PCYOX1: variants seen among roughly 807,000 people sequenced by gnomAD.
The protein encoded by PCYOX1 is prenylcysteine oxidase 1, also known as prenylcysteine lyase.
PCYOX1 carries 46 observed loss-of-function variants against 46.4 expected under a neutral mutation model. The ratio of observed to expected loss-of-function variants is 0.99; its 90% CI spans 0.78 to 1.27. PCYOX1 has a LOEUF of 1.27. Ranked by LOEUF, PCYOX1 falls within the 50% of genes most tolerant of loss-of-function variation. PCYOX1 has a pLI of 0.00. For synonymous variants in PCYOX1, 220 were observed against 231.8 expected, an observed-to-expected ratio of 0.95 and a Z score of 0.46; for missense variants, 658 against 628.3, an observed-to-expected ratio of 1.05 and a Z score of -0.51.
In PCYOX1 at chr2:70,277,728, C is replaced by T. The variant is rs1696707396; in HGVS notation, c.*336C>T. On this transcript the variant is annotated 3_prime_UTR_variant, in exon 6 of 6. Coordinates refer to ENST00000433351, the MANE Select transcript of PCYOX1 (RefSeq NM_016297.4). ...TGCACTTCAGCCTGAGCAACACGAG[C>T]AAAACTCCGTCTCAAAAGTAAATAA... The T allele has an allele frequency of 5.2e-6, 1 of 190,606 alleles. No homozygotes were observed. Among genetic ancestry groups the T allele is most frequent in the Non-Finnish European group, 1.1e-5 (1 of 93,528 alleles). The allele number at this position is 190,606 out of a possible 1,614,324, so 11.8% of individuals were successfully genotyped here.
chr2:70,264,267 GTT>G (rs199985130), intron 3 of PCYOX1, among the ~76,000 whole-genome samples: 1 of 144,566 alleles, frequency 6.9e-6, no homozygotes. Context: ...TCCCAGCCTT[GTT>G]TTTTTTTTTA....
At chr2:70,260,868 C>T (rs746884181) in intron 2 of PCYOX1, among the ~76,000 whole-genome samples, 3 of 152,172 alleles carry the variant, frequency 2.0e-5, no homozygotes, top group East Asian at 3.8e-4. Context: ...AATTATGCCA[C>T]GAAGATGCAT....
intron 3 of PCYOX1, among the ~76,000 whole-genome samples, chr2:70,268,120 T>G (rs1355867318): frequency 6.6e-6 from 1 of 152,122 alleles, no homozygotes; most frequent in African/African-American, 2.4e-5. Context: ...TAAATTTGTG[T>G]TGTTTTAAGC....
At chr2:70,259,286 G>T in intron 1 of PCYOX1, 74 bp from the exon 2 acceptor site, 2 of 1,343,624 alleles carry the variant, frequency 1.5e-6, no homozygotes, top group South Asian at 2.4e-5. Flanking sequence ...GCTATTGATG[G>T]TCTTTCAAAA....
chr2:70,277,527 C>T lies in PCYOX1; in HGVS notation c.*135C>T. On this transcript the variant is annotated 3_prime_UTR_variant, in exon 6 of 6. Transcript: ENST00000433351. ...TTTAATAAAAGTAATCCCTGCTGGT[C>T]ATAGGAAAACACACGGTTCTAATTA... is the stretch of plus-strand genomic sequence containing the variant. 2.9e-6 allele frequency: 2 copies of T among 694,886 alleles called. No homozygotes were observed. The highest frequency in any genetic ancestry group is 4.9e-6 in the Non-Finnish European group (2 of 408,538). The allele number at this position is 694,886 out of a possible 1,614,324, so 43.0% of individuals were successfully genotyped here.
At chr2:70,275,282 C>T (rs1260241433) in intron 4 of PCYOX1, 112 bp downstream of exon 4, 1 of 993,984 alleles carries the variant, frequency 1.0e-6, no homozygotes, top group East Asian at 2.4e-5. Flanking sequence ...TCTCTGTGAA[C>T]CTCAGACATT....
chr2:70,274,556 CTTTTTTTTTTTCTTTTT>C (rs1696643508), intron 3 of PCYOX1, among the ~76,000 whole-genome samples: 1 of 133,976 alleles, frequency 7.5e-6, no homozygotes, highest in African/African-American at 2.8e-5. Context: ...AGTTTCTTTT[CTTTTTTTTTTTCTTTTT>C]TTTTTTTTAA....
At chr2:70,262,519 G>T (rs1306051127) in intron 3 of PCYOX1, among the ~76,000 whole-genome samples, 1 of 137,312 alleles carries the variant, frequency 7.3e-6, no homozygotes, top group Admixed American at 8.0e-5. Context: ...TTGCTCTGTC[G>T]CCCGGGCTGG....
chr2:70,267,885 C>T (rs1696550336), intron 3 of PCYOX1, among the ~76,000 whole-genome samples: 1 of 152,094 alleles, frequency 6.6e-6, no homozygotes. Context: ...AATCTTGGCT[C>T]ACTGCAGCCT....
At position 70,277,417 on chromosome 2, in the gene PCYOX1, C is replaced by G. The variant is rs747879755; in HGVS notation, c.*25C>G. 1.3e-6 allele frequency: 2 copies of G among 1,542,584 alleles called. No individual in the cohort carries two copies. The highest frequency in any genetic ancestry group is 2.3e-5 in the East Asian group (1 of 43,964). ...AAGTGACACACTCCTTTTTCCCCTC[C>G]TAGTTCCAAATGACTATCAGTGGCA... On this transcript the variant is annotated 3_prime_UTR_variant, in exon 6 of 6. Transcript: ENST00000433351.
chr2:70,267,335 T>C (rs1043562019), intron 3 of PCYOX1, among the ~76,000 whole-genome samples: 2 of 149,998 alleles, frequency 1.3e-5, no homozygotes, highest in African/African-American at 4.9e-5. Context: ...GTTCCTCACA[T>C]CCCAGACGAT....
In PCYOX1 at chr2:70,277,502, T is replaced by C; in HGVS notation, c.*110T>C. The C allele has an allele frequency of 3.3e-6, 3 of 918,188 alleles. No homozygotes were observed. The highest frequency in any genetic ancestry group is 5.0e-6 in the Non-Finnish European group (3 of 594,998). The allele number at this position is 918,188 out of a possible 1,614,324, so 56.9% of individuals were successfully genotyped here. ...ACCAGATATTTTGCCATTATCATTGTTTAATAAAAGTAATCCCTGCTGGTC... is the reference window on the plus strand; with the variant it reads ...ACCAGATATTTTGCCATTATCATTGCTTAATAAAAGTAATCCCTGCTGGTC... On this transcript the variant is annotated 3_prime_UTR_variant, in exon 6 of 6. Coordinates refer to ENST00000433351, the MANE Select transcript of PCYOX1 (RefSeq NM_016297.4).
chr2:70,274,802 G>A (rs1696646840), intron 3 of PCYOX1, 157 bp from the exon 4 acceptor site: 1 of 617,344 alleles, frequency 1.6e-6, no homozygotes, highest in Admixed American at 2.6e-5. Context: ...GACCTCAGGT[G>A]ACCTGCCCAC....
At chr2:70,259,265 T>A in intron 1 of PCYOX1, 95 bp from the exon 2 acceptor site, 1 of 1,140,504 alleles carries the variant, frequency 8.8e-7, no homozygotes, top group African/African-American at 1.5e-5. Context: ...TAGCTTTGAG[T>A]AACAACCTCT....
In PCYOX1 at chr2:70,277,986, AT is replaced by A. The variant is rs1696711326; in HGVS notation, c.*595del. On this transcript the variant is annotated 3_prime_UTR_variant, in exon 6 of 6. Coordinates refer to ENST00000433351, the MANE Select transcript of PCYOX1 (RefSeq NM_016297.4). ...TAAAATTTATGGGAGCTGGTGTCTT[AT>A]GCCTGACTCTTAGTAATTTCATACC... The A allele has an allele frequency of 6.6e-6, 1 of 152,232 alleles. No homozygotes were observed. The highest frequency in any genetic ancestry group is 2.1e-4 in the South Asian group (1 of 4,834). 9.4% of individuals were successfully genotyped at this position (152,232 alleles called of 1,614,324 possible).
At chr2:70,264,782 A>G (rs1434258873) in intron 3 of PCYOX1, among the ~76,000 whole-genome samples, 1 of 151,852 alleles carries the variant, frequency 6.6e-6, no homozygotes, top group East Asian at 1.9e-4. Flanking sequence ...TTGGGAGGCC[A>G]AGGCAGATAG....
chr2:70,278,197 T>C lies in PCYOX1; in HGVS notation c.*805T>C, dbSNP rs1273680998. 1 of 152,630 alleles carries C rather than the reference T, an allele frequency of 6.6e-6. No individual in the cohort carries two copies. Among genetic ancestry groups the C allele is most frequent in the African/African-American group, 2.4e-5 (1 of 41,446 alleles). 9.5% of individuals were successfully genotyped at this position (152,630 alleles called of 1,614,324 possible). A position where few individuals can be genotyped will look rare whatever the true frequency, so the allele number is the denominator to read the frequency against. ...GGCTACTGAATTAAGAAACTGGCAT[T>C]CTAGTATTAAATCCTCACTTCAGGA... On this transcript the variant is annotated 3_prime_UTR_variant, in exon 6 of 6. Coordinates refer to ENST00000433351, the MANE Select transcript of PCYOX1 (RefSeq NM_016297.4).
rs1422025335 is a variant in PCYOX1, at chr2:70,272,833, G to A, written c.495-2126G>A. On this transcript the variant is annotated intron_variant, in intron 3 of 5. Coordinates refer to ENST00000433351, the MANE Select transcript of PCYOX1 (RefSeq NM_016297.4). ...ATGCCTCAGCCACCTGAGTAGCTGG[G>A]ATTACAGGCATGCACCACCACACCT... 2.0e-5 allele frequency among the ~76,000 whole-genome samples: 3 copies of A among 151,848 alleles called. No homozygotes were observed. The East Asian group carries it at 5.8e-4, about 29-fold the overall frequency.
intron 3 of PCYOX1, among the ~76,000 whole-genome samples, chr2:70,271,055 TTTTTTG>T (rs1291240590): frequency 1.3e-5 from 2 of 151,914 alleles, no homozygotes; most frequent in Non-Finnish European, 2.9e-5. Flanking sequence ...AAATTATTAT[TTTTTTG>T]TTTTTGTTTT....
Sources: allele counts gnomAD v4.1 joint callset (sites outside exome capture counted in the v4.1 genomes callset), GRCh38; gene constraint gnomAD v4.1.1; transcripts MANE v1.5; gene names NCBI Gene and HGNC (gene_info 2026-07-23, HGNC 2026-07-21).